CASK: variants seen among roughly 807,000 people sequenced by gnomAD.
The protein encoded by CASK is peripheral plasma membrane protein CASK.
Under a neutral mutation model 82.9 loss-of-function variants are expected in CASK, and 4 were observed. The ratio of observed to expected loss-of-function variants is 0.05; its 90% confidence interval spans 0.02 to 0.11. The LOEUF (loss-of-function observed/expected upper bound fraction) is 0.11, where lower values mean the gene tolerates loss of function less well. Ranked by LOEUF, CASK falls within the 10% of genes least tolerant of loss-of-function variation. CASK has a pLI of 1.00. For missense variants in CASK, 358 were observed against 720.9 expected (o/e 0.50, Z 5.76); for synonymous variants, 259 against 253.5 (o/e 1.02, Z -0.20).
chrX:41,643,717 A>G (rs2066703016), intron 8 of CASK, among the ~76,000 whole-genome samples: 1 of 111,936 alleles, frequency 8.9e-6, no homozygotes, highest in Non-Finnish European at 1.9e-5. Flanking sequence ...TGTCATCTGC[A>G]AACAGGGACA....
At chrX:41,869,812 CAAAA>C (rs72190097) in intron 1 of CASK, among the ~76,000 whole-genome samples, 12 of 12,116 alleles carry the variant, frequency 9.9e-4, no homozygotes, top group East Asian at 4.5e-3. Flanking sequence ...GACTCTGTCT[CAAAA>C]AAAAAAAAAA....
chrX:41,535,771 G>A (rs752225357), intron 22 of CASK, among the ~76,000 whole-genome samples: 11 of 111,716 alleles, frequency 9.8e-5, no homozygotes, highest in Non-Finnish European at 2.1e-4. Context: ...TACAGACTGA[G>A]GAGAAATACT....
At chrX:41,668,843 C>T (rs778717815) in intron 6 of CASK, among the ~76,000 whole-genome samples, 1 of 109,759 alleles carries the variant, frequency 9.1e-6, no homozygotes, top group South Asian at 4.0e-4. Flanking sequence ...CGGGTTCAAG[C>T]GATCCTCCCA....
At chrX:41,919,088 T>C (rs1238501775) in intron 1 of CASK, among the ~76,000 whole-genome samples, 1 of 112,427 alleles carries the variant, frequency 8.9e-6, no homozygotes, top group Non-Finnish European at 1.9e-5. Context: ...TTAAAACTAC[T>C]CAATTCATTC....
chrX:41,541,183 T>C (rs1010313515), intron 22 of CASK, among the ~76,000 whole-genome samples: 4 of 112,380 alleles, frequency 3.6e-5, no homozygotes, highest in African/African-American at 9.7e-5. Flanking sequence ...CACTGACGTT[T>C]TGTGTGAAGC....
chrX:41,566,356 C>A (rs1432019064), intron 16 of CASK, among the ~76,000 whole-genome samples: 2 of 111,947 alleles, frequency 1.8e-5, no homozygotes, highest in Non-Finnish European at 3.8e-5. Context: ...AGCCCAAAAT[C>A]TCCTTAAGCT....
In CASK at chrX:41,561,436, T is replaced by G. The variant is rs1475863526; in HGVS notation, c.1668+123A>C. ...TTTATGAATGTTATATAAGTTCAAG[T>G]CCACATAAATATGGTACCAGAAATT... On this transcript the variant is annotated intron_variant, in intron 17 of 26. Transcript: ENST00000378163. 8.0e-5 allele frequency: 42 copies of G among 524,392 alleles called. No homozygotes were observed. The East Asian group carries it at 1.4e-3, about 18-fold the overall frequency. 43.2% of individuals were successfully genotyped at this position (524,392 alleles called of 1,213,427 possible). A position where few individuals can be genotyped will look rare whatever the true frequency, so the allele number is the denominator to read the frequency against.
chrX:41,703,922 G>A (rs1484168912), intron 5 of CASK, among the ~76,000 whole-genome samples: 2 of 111,456 alleles, frequency 1.8e-5, no homozygotes, highest in East Asian at 2.8e-4. Flanking sequence ...TCTCATTGTG[G>A]TTTTAATTTG....
At position 41,518,004 on chromosome X, in the gene CASK, C is replaced by T; in HGVS notation, c.*2416G>A. 1 of 388,488 alleles carries T rather than the reference C, an allele frequency of 2.6e-6. No homozygotes were observed. Among genetic ancestry groups the T allele is most frequent in the Admixed American group, 3.8e-5 (1 of 26,214 alleles). 32.0% of individuals were successfully genotyped at this position (388,488 alleles called of 1,213,427 possible). A position where few individuals can be genotyped will look rare whatever the true frequency, so the allele number is the denominator to read the frequency against. On this transcript the variant is annotated 3_prime_UTR_variant, in exon 27 of 27. Transcript: ENST00000378163. ...GGCAAGAATGATGCCTGCCTGTGTG[C>T]TTCTCAGAGGACGTATAAAGCCACT... is the stretch of plus-strand genomic sequence containing the variant.
At chrX:41,717,268 A>G (rs988685520) in intron 5 of CASK, among the ~76,000 whole-genome samples, 4 of 112,130 alleles carry the variant, frequency 3.6e-5, no homozygotes, top group South Asian at 3.7e-4. Context: ...GCACGCTTCT[A>G]TGGAAGTTAA....
chrX:41,717,251 G>A (rs774352662), intron 5 of CASK, among the ~76,000 whole-genome samples: 14 of 112,214 alleles, frequency 1.2e-4, no homozygotes, highest in Non-Finnish European at 1.9e-4. Flanking sequence ...TGCTCCACCC[G>A]CGAGACGCAC....
intron 2 of CASK, among the ~76,000 whole-genome samples, chrX:41,792,730 A>G (rs2069757769): frequency 8.9e-6 from 1 of 112,347 alleles, no homozygotes; most frequent in African/African-American, 3.2e-5. Flanking sequence ...ATCCAATTCA[A>G]TGTATACAAA....
chrX:41,675,842 A>G (rs1030213377), intron 5 of CASK: 3 of 1,200,772 alleles, frequency 2.5e-6, no homozygotes, highest in Non-Finnish European at 3.4e-6. Flanking sequence ...CAGTAATTGC[A>G]TTATTAGCAT....
chrX:41,654,271 G>C (rs773987677), intron 8 of CASK, among the ~76,000 whole-genome samples: 2 of 111,572 alleles, frequency 1.8e-5, no homozygotes, highest in African/African-American at 6.5e-5. Flanking sequence ...TAATAAATAA[G>C]GTGAATGAAG....
At chrX:41,602,915 A>G (rs2065913321) in intron 12 of CASK, among the ~76,000 whole-genome samples, 1 of 111,496 alleles carries the variant, frequency 9.0e-6, no homozygotes, top group African/African-American at 3.3e-5. Flanking sequence ...CTCCAGTTAG[A>G]AAACAGTGGA....
At chrX:41,692,589 T>G (rs1293829646) in intron 5 of CASK, among the ~76,000 whole-genome samples, 1 of 112,794 alleles carries the variant, frequency 8.9e-6, no homozygotes, top group East Asian at 2.8e-4. Context: ...GAAACCCTTT[T>G]CTCTATGGCT....
Position 41,553,197 on chromosome X carries a change from C to T in CASK, c.2039+522G>A, listed in dbSNP as rs185534270. ...AGCCTGCTTTTAGGGCTTAAACTTT[C>T]TAGCAGAAAAGGTATTTTTAAAGGA... is the stretch of plus-strand genomic sequence containing the variant. On this transcript the variant is annotated intron_variant, in intron 21 of 26. Coordinates refer to ENST00000378163, the MANE Select transcript of CASK (RefSeq NM_001367721.1). Among the ~76,000 whole-genome samples, 249 of 112,009 alleles carry T rather than the reference C, an allele frequency of 2.2e-3. 1 individual carries two copies. Among genetic ancestry groups the T allele is most frequent in the South Asian group, 0.013 (36 of 2,696 alleles).
rs1447038374 is a variant in CASK at position 41,612,972 on chromosome X, C to T, written c.1034-2947G>A. Among the ~76,000 whole-genome samples, 13 of 105,070 alleles carry T rather than the reference C, an allele frequency of 1.2e-4. No homozygotes were observed. In the Admixed American group the frequency reaches 1.3e-3, roughly 10 times the overall value. 91.2% of individuals were successfully genotyped at this position (105,070 alleles called of 115,157 possible). ...GCCCCTACTGGGAAGTGAGGAGCCC[C>T]TCTGCCTGGCCAGCCGCCCCGTCCG... On this transcript the variant is annotated intron_variant, in intron 11 of 26. Transcript: ENST00000378163.
At chrX:41,549,166 A>G (rs2065062299) in intron 21 of CASK, among the ~76,000 whole-genome samples, 1 of 112,136 alleles carries the variant, frequency 8.9e-6, no homozygotes, top group Non-Finnish European at 1.9e-5. Context: ...GAAAATGTGA[A>G]GAATGTGACT....
Sources: gnomAD v4.1 joint callset for allele counts (sites outside exome capture counted in the v4.1 genomes callset) on GRCh38, gnomAD v4.1.1 for gene constraint, MANE v1.5 for transcripts, NCBI Gene and HGNC (gene_info 2026-07-23, HGNC 2026-07-21) for gene names.